Variants in DNAI7 observed in about 807,000 individuals in gnomAD.
DNAI7 encodes dynein axonemal intermediate chain 7.
DNAI7 carries 78 observed loss-of-function variants against 86.6 expected under a neutral mutation model. The ratio of observed to expected loss-of-function variants is 0.90; its 90% CI spans 0.75 to 1.09. The LOEUF (loss-of-function observed/expected upper bound fraction) is 1.09. Ranked by LOEUF, DNAI7 falls within the 50% of genes least tolerant of loss-of-function variation. The pLI is 0.00. For missense variants in DNAI7, 753 were observed against 810.2 expected, an observed-to-expected ratio of 0.93 and a Z score of 0.86; for synonymous variants, 274 against 273.0, an observed-to-expected ratio of 1.00 and a Z score of -0.04.
intron 7 of DNAI7, among the ~76,000 whole-genome samples, chr12:25,148,469 G>A (rs1443878128): frequency 6.6e-6 from 1 of 152,164 alleles, no homozygotes; most frequent in Non-Finnish European, 1.5e-5. Context: ...GGCACTAGAA[G>A]AATTATGTAT....
intron 9 of DNAI7, among the ~76,000 whole-genome samples, chr12:25,141,177 A>C (rs1944145785): frequency 6.6e-6 from 1 of 152,252 alleles, no homozygotes; most frequent in Non-Finnish European, 1.5e-5. Context: ...AAAAGAGCCC[A>C]AAAGCAAATG....
rs1359881920 is a variant in DNAI7 at position 25,174,347 on chromosome 12, A to G, written c.22-13150T>C. The stretch of plus-strand genomic sequence containing the variant: ...CATTTGTATCATATATGATATATAT[A>G]TGATATATATATCCCATATATATGT... On this transcript the variant is annotated intron_variant, in intron 2 of 15. Transcript: ENST00000395987. Among the ~76,000 whole-genome samples, 2 of 104,632 alleles carry G rather than the reference A, an allele frequency of 1.9e-5. 1 individual carries two copies. Among genetic ancestry groups the G allele is most frequent in the Non-Finnish European group, 3.8e-5 (2 of 53,246 alleles). 68.6% of individuals were successfully genotyped at this position (104,632 alleles called of 152,430 possible). A position where few individuals can be genotyped will look rare whatever the true frequency, so the allele number is the denominator to read the frequency against.
At chr12:25,172,325 A>G (rs1948228015) in intron 2 of DNAI7, among the ~76,000 whole-genome samples, 1 of 152,190 alleles carries the variant, frequency 6.6e-6, no homozygotes, top group African/African-American at 2.4e-5. Context: ...CAGAGAATCA[A>G]ATCAAGAGCT....
chr12:25,115,340 A>G (rs1316397604), intron 12 of DNAI7, among the ~76,000 whole-genome samples: 1 of 152,216 alleles, frequency 6.6e-6, no homozygotes, highest in East Asian at 1.9e-4. Flanking sequence ...TTGTGCAACC[A>G]TCACCACAAT....
intron 11 of DNAI7, 75 bp downstream of exon 11, chr12:25,121,671 ATTAGATG>A: frequency 8.8e-7 from 1 of 1,134,880 alleles, no homozygotes; most frequent in Non-Finnish European, 1.3e-6. Flanking sequence ...GTTAAAGCTT[ATTAGATG>A]TTAGATAATA....
intron 6 of DNAI7, among the ~76,000 whole-genome samples, chr12:25,151,626 T>C (rs932608949): frequency 1.3e-5 from 2 of 152,208 alleles, no homozygotes; most frequent in Non-Finnish European, 2.9e-5. Context: ...ACCAGATTCC[T>C]AAGCTGACGT....
At chr12:25,155,500 A>G (rs1946056490) in intron 4 of DNAI7, 88 bp from the exon 5 acceptor site, 1 of 573,324 alleles carries the variant, frequency 1.7e-6, no homozygotes, top group Non-Finnish European at 3.0e-6. Context: ...GTGGCTAAAT[A>G]TATAACTGCA....
intron 15 of DNAI7, among the ~76,000 whole-genome samples, chr12:25,109,194 G>C (rs899098330): frequency 2.0e-5 from 3 of 152,170 alleles, no homozygotes; most frequent in African/African-American, 7.2e-5. Flanking sequence ...ATATTTGAGT[G>C]GGGGAAACAC....
intron 9 of DNAI7, among the ~76,000 whole-genome samples, chr12:25,137,266 T>C (rs1186671906): frequency 1.3e-5 from 2 of 152,208 alleles, no homozygotes; most frequent in Non-Finnish European, 2.9e-5. Flanking sequence ...GCCAAGAATT[T>C]TGTATCCAGC....
At chr12:25,188,956 G>C (rs932561249) in intron 2 of DNAI7, among the ~76,000 whole-genome samples, 4 of 152,140 alleles carry the variant, frequency 2.6e-5, no homozygotes, top group African/African-American at 9.7e-5. Context: ...TGCTTCCAGA[G>C]CCTTCATAAA....
intron 7 of DNAI7, 83 bp from the exon 8 acceptor site, chr12:25,147,187 T>A: frequency 7.0e-6 from 5 of 711,126 alleles, no homozygotes; most frequent in Non-Finnish European, 1.2e-5. Context: ...ATCACTTATG[T>A]GTTGGATTCC....
chr12:25,190,926 T>G (rs1950458829), intron 1 of DNAI7, among the ~76,000 whole-genome samples: 1 of 152,232 alleles, frequency 6.6e-6, no homozygotes, highest in Admixed American at 6.5e-5. Flanking sequence ...ATGATCCATG[T>G]TTAATGAAAT....
chr12:25,130,437 T>C (rs1469207951), intron 9 of DNAI7, among the ~76,000 whole-genome samples: 1 of 151,986 alleles, frequency 6.6e-6, no homozygotes, highest in African/African-American at 2.4e-5. Context: ...CTTGGGAGGC[T>C]GAGGCAGAAG....
At chr12:25,120,974 T>C (rs765357553) in intron 11 of DNAI7, among the ~76,000 whole-genome samples, 1 of 152,204 alleles carries the variant, frequency 6.6e-6, no homozygotes, top group Non-Finnish European at 1.5e-5. Context: ...CCCAAAATTA[T>C]GCATTTCTTG....
At position 25,149,658 on chromosome 12, in the gene DNAI7, T is replaced by C; in HGVS notation, c.555A>G (p.Lys185=). Residue 185 remains lysine, a synonymous_variant, in exon 7 of 16, where the codon AAA becomes AAG. Transcript: ENST00000395987. ...GAAGTATTTCTGTGGCTACACCGAA[T>C]TTAAGATGAAGGAGCTCCTGCAGTT... ...ILQLQELLHL[K]FGVATEILLK... The C allele has an allele frequency of 6.2e-7, 1 of 1,607,744 alleles. No individual in the cohort carries two copies. The highest frequency in any genetic ancestry group is 8.5e-7 in the Non-Finnish European group (1 of 1,177,118).
chr12:25,116,084 C>T (rs199594882), intron 12 of DNAI7, among the ~76,000 whole-genome samples: 6 of 138,092 alleles, frequency 4.3e-5, no homozygotes, highest in Non-Finnish European at 7.7e-5. Flanking sequence ...GTATTTCTTT[C>T]TTTTTTTTTT....
chr12:25,117,980 C>A (rs757375783), intron 12 of DNAI7, among the ~76,000 whole-genome samples: 48 of 143,290 alleles, frequency 3.3e-4, no homozygotes, highest in Non-Finnish European at 6.0e-4. Flanking sequence ...CTCGCTCTGC[C>A]TGGAGTGCAG....
At chr12:25,112,573 A>G (rs74596602) in intron 13 of DNAI7, among the ~76,000 whole-genome samples, 3 of 151,372 alleles carry the variant, frequency 2.0e-5, no homozygotes, top group African/African-American at 7.3e-5. Context: ...CACCCGGCTA[A>G]TTTTTTGTAT....
intron 9 of DNAI7, among the ~76,000 whole-genome samples, chr12:25,129,708 G>A (rs1942623258): frequency 6.6e-6 from 1 of 152,098 alleles, no homozygotes; most frequent in African/African-American, 2.4e-5. Flanking sequence ...TACCTCATGA[G>A]AGAAGACTTC....
Sources: allele counts gnomAD v4.1 joint callset (sites outside exome capture counted in the v4.1 genomes callset), GRCh38; gene constraint gnomAD v4.1.1; transcripts MANE v1.5; gene names NCBI Gene and HGNC (gene_info 2026-07-23, HGNC 2026-07-21).